Variants in CHD9 observed in about 807,000 individuals in gnomAD.
CHD9 encodes the protein ATP-dependent chromatin remodeler CHD9.
CHD9 carries 77 observed loss-of-function variants against 316.1 expected under a neutral mutation model. The ratio of observed to expected loss-of-function variants is 0.24; its 90% CI spans 0.20 to 0.29. The LOEUF (loss-of-function observed/expected upper bound fraction) is 0.29. Ranked by LOEUF, CHD9 falls within the 10% of genes least tolerant of loss-of-function variation. The pLI, the probability that CHD9 is intolerant of heterozygous loss-of-function variation, is 1.00. For synonymous variants in CHD9, 1,129 were observed against 1,158.3 expected (o/e 0.97, Z 0.51); for missense variants, 2,763 against 3,438.1 (o/e 0.80, Z 4.91).
chr16:53,082,244 A>G (rs1246850193), intron 1 of CHD9, among the ~76,000 whole-genome samples: 1 of 150,776 alleles, frequency 6.6e-6, no homozygotes, highest in Non-Finnish European at 1.5e-5. Flanking sequence ...TTATTTATTT[A>G]TTTATTCATG....
At chr16:53,076,133 T>C (rs912458774) in intron 1 of CHD9, among the ~76,000 whole-genome samples, 3 of 152,242 alleles carry the variant, frequency 2.0e-5, no homozygotes, top group African/African-American at 7.2e-5. Context: ...GTAGGAGTTC[T>C]CTGTATCTTC....
chr16:53,148,500 C>T (rs972856636), intron 1 of CHD9, among the ~76,000 whole-genome samples: 2 of 152,236 alleles, frequency 1.3e-5, no homozygotes, highest in Non-Finnish European at 2.9e-5. Context: ...AATTTCTTCA[C>T]ATCTTCTCCA....
rs753476091 is a variant in CHD9, at chr16:53,124,467, AT to A, written c.-164-31432del. Among the ~76,000 whole-genome samples the A allele has an allele frequency of 5.7e-3, 552 of 96,936 alleles. 1 individual carries two copies. Among genetic ancestry groups the A allele is most frequent in the South Asian group, 8.2e-3 (20 of 2,432 alleles). The allele number at this position is 96,936 out of a possible 152,430, so 63.6% of individuals were successfully genotyped here. ...AAACCATCAGATCTGGTGAGACTTA[AT>A]TTTTTTTTTTTTTTTTTTTTTTTTT... On this transcript the variant is annotated intron_variant, in intron 1 of 38. Coordinates refer to ENST00000447540, the MANE Select transcript of CHD9 (RefSeq NM_001308319.2).
chr16:53,167,917 A>AT (rs2042385078), intron 2 of CHD9, among the ~76,000 whole-genome samples: 1 of 152,128 alleles, frequency 6.6e-6, no homozygotes, highest in African/African-American at 2.4e-5. Flanking sequence ...AGAAGATTGT[A>AT]TTGTAGGATA....
chr16:53,219,439 A>G (rs930152888), intron 3 of CHD9, among the ~76,000 whole-genome samples: 47 of 152,206 alleles, frequency 3.1e-4, no homozygotes, highest in Admixed American at 2.6e-3. Context: ...GAGAGAAACC[A>G]AAGTTTAACA....
chr16:53,322,000 CTTT>C (rs61037497), intron 38 of CHD9, among the ~76,000 whole-genome samples: 6 of 132,228 alleles, frequency 4.5e-5, no homozygotes, highest in Admixed American at 1.5e-4. Context: ...TTTTCTTTTT[CTTT>C]TTTTTTTTTT....
intron 2 of CHD9, among the ~76,000 whole-genome samples, chr16:53,164,225 A>T (rs1230698676): frequency 1.3e-5 from 2 of 152,198 alleles, no homozygotes; most frequent in African/African-American, 2.4e-5. Flanking sequence ...GGCTATATTC[A>T]CAATCGTTTA....
At chr16:53,164,654 TTTG>T (rs1021184831) in intron 2 of CHD9, among the ~76,000 whole-genome samples, 6 of 123,272 alleles carry the variant, frequency 4.9e-5, no homozygotes, top group Non-Finnish European at 5.2e-5. Context: ...GAGGGGGGGG[TTTG>T]TTGTTGTTGT....
chr16:53,304,519 T>C lies in CHD9; in HGVS notation c.6513T>C (p.Cys2171=). The change falls in exon 31 of 39, where the codon TGT becomes TGC. Residue 2171 remains cysteine (C), a synonymous_variant. Coordinates refer to ENST00000447540, the MANE Select transcript of CHD9 (RefSeq NM_001308319.2). ...SGSSSSSSSS[C]SSASSSSSSS... ...CTAGTTCTTCTTCATCTTCATCTTG[T>C]TCTTCAGCATCTTCTTCATCCTCTT... The C allele has an allele frequency of 1.3e-6, 2 of 1,550,172 alleles. No individual in the cohort carries two copies. Among genetic ancestry groups the C allele is most frequent in the Non-Finnish European group, 1.7e-6 (2 of 1,145,238 alleles).
At chr16:53,140,486 AAAC>A (rs921323060) in intron 1 of CHD9, among the ~76,000 whole-genome samples, 2 of 152,080 alleles carry the variant, frequency 1.3e-5, no homozygotes, top group African/African-American at 4.8e-5. Context: ...CACTTCAGTT[AAAC>A]AACTAGACCT....
At chr16:53,306,116 C>T (rs1024091151) in intron 31 of CHD9, 121 bp from the exon 32 acceptor site, 3 of 532,712 alleles carry the variant, frequency 5.6e-6, no homozygotes, top group African/African-American at 4.0e-5. Context: ...CTTTTTTTAT[C>T]ATTTGTTTTT....
At chr16:53,318,186 G>C in intron 36 of CHD9, 26 bp from the exon 37 acceptor site, 1 of 1,579,766 alleles carries the variant, frequency 6.3e-7, no homozygotes, top group Non-Finnish European at 8.6e-7. Context: ...AGACTTTAAA[G>C]ATATGTCTTT....
intron 1 of CHD9, among the ~76,000 whole-genome samples, chr16:53,114,684 T>G (rs1319656248): frequency 6.6e-6 from 1 of 152,196 alleles, no homozygotes; most frequent in African/African-American, 2.4e-5. Context: ...GCCTCGCGGG[T>G]TCACGCCATT....
intron 1 of CHD9, among the ~76,000 whole-genome samples, chr16:53,077,681 T>C (rs2034661398): frequency 6.6e-6 from 1 of 152,220 alleles, no homozygotes; most frequent in Non-Finnish European, 1.5e-5. Context: ...GTTTACAATA[T>C]GTAATGATTA....
intron 1 of CHD9, among the ~76,000 whole-genome samples, chr16:53,114,728 C>T (rs1266264201): frequency 1.3e-5 from 2 of 152,156 alleles, no homozygotes; most frequent in Admixed American, 1.3e-4. Flanking sequence ...GCTGGGACTA[C>T]AGGCGCCTGC....
Position 53,304,383 on chromosome 16 carries a change from G to T in CHD9, c.6377G>T (p.Arg2126Met), listed in dbSNP as rs777799713. 6 of 1,612,928 alleles carry T rather than the reference G, an allele frequency of 3.7e-6. No individual in the cohort carries two copies. In the African/African-American group the frequency reaches 6.7e-5, roughly 18 times the overall value. Residue 2126 changes from arginine to methionine, a missense_variant, in exon 31 of 39, where the codon AGG becomes ATG. By Grantham distance (91) the Arg-to-Met change is moderately conservative. Coordinates refer to ENST00000447540, the MANE Select transcript of CHD9 (RefSeq NM_001308319.2). ...PASKKPRVHKRGSESSSDSDS... is the reference protein window; with the variant it reads ...PASKKPRVHKMGSESSSDSDS... ...TCTAAGAAACCAAGAGTCCACAAAA[G>T]GGGATCAGAATCTAGTTCTGATTCT...
In CHD9 at chr16:53,273,696, A is replaced by G. The variant is rs753113322; in HGVS notation, c.4788A>G (p.Ile1596Met). The change falls in exon 23 of 39, where the codon ATA becomes ATG. Residue 1596 changes from isoleucine (I) to methionine (M), a missense_variant. Physicochemically the swap from Ile to Met is conservative, Grantham distance 10 (BLOSUM62 1). Around this residue, in one of 15 missense-constraint regions of CHD9, gnomAD observed 99 missense variants for 131.6 expected, o/e 0.75. Transcript: ENST00000447540. ...KVKTQTSSFD[I>M]QKAEWLRKYN... Reference sequence around the variant, plus strand: ...AAACTCAAACAAGCTCATTTGATATACAAAAAGCAGAATGGCTTCGAAAAT... The same window carrying G: ...AAACTCAAACAAGCTCATTTGATATGCAAAAAGCAGAATGGCTTCGAAAAT... 4 of 1,613,480 alleles carry G rather than the reference A, an allele frequency of 2.5e-6. No homozygotes were observed. In the African/African-American group the frequency reaches 5.3e-5, roughly 22 times the overall value.
chr16:53,156,642 A>G lies in CHD9; in HGVS notation c.553A>G (p.Asn185Asp). The change falls in exon 2 of 39, where the codon AAT becomes GAT. Residue 185 changes from asparagine (N) to aspartate (D), a missense_variant. By Grantham distance (23) the Asn-to-Asp change is conservative. Around this residue, in one of 15 missense-constraint regions of CHD9, gnomAD observed 859 missense variants for 890.4 expected, o/e 0.96. Coordinates refer to ENST00000447540, the MANE Select transcript of CHD9 (RefSeq NM_001308319.2). ...TSLRSQQNRN[N>D]LNPGQNSLSQ... is the part of the protein sequence containing the mutation. ...ACTACGCTCACAACAAAACAGAAAT[A>G]ATCTCAACCCAGGGCAGAATTCTCT... The G allele has an allele frequency of 6.2e-7, 1 of 1,613,942 alleles. No individual in the cohort carries two copies. Among genetic ancestry groups the G allele is most frequent in the Non-Finnish European group, 8.5e-7 (1 of 1,179,882 alleles).
intron 1 of CHD9, among the ~76,000 whole-genome samples, chr16:53,118,348 C>T (rs531497841): frequency 4.6e-5 from 7 of 151,484 alleles, no homozygotes; most frequent in African/African-American, 1.7e-4. Flanking sequence ...CCCTGGGAGG[C>T]GGAGGTTGCA....
Sources: allele counts gnomAD v4.1 joint callset (sites outside exome capture counted in the v4.1 genomes callset), GRCh38; gene constraint gnomAD v4.1.1; regional missense constraint gnomAD v4.1.1; transcripts MANE v1.5; gene names NCBI Gene and HGNC (gene_info 2026-07-23, HGNC 2026-07-21).